The following EIF5B variants were observed in gnomAD, a reference collection of about 807,000 sequenced individuals.
EIF5B encodes eukaryotic translation initiation factor 5B.
A neutral mutation model predicts 147.5 loss-of-function variants in EIF5B; 47 were observed. The ratio of observed to expected loss-of-function variants is 0.32; its 90% CI spans 0.25 to 0.41. EIF5B has a LOEUF of 0.41. EIF5B is among the 10% of genes least tolerant of loss of function. EIF5B has a pLI of 1.00. For synonymous variants in EIF5B, 455 were observed against 456.2 expected (o/e 1.00, Z 0.03); for missense variants, 1,064 against 1,413.2 (o/e 0.75, Z 3.96).
At chr2:99,352,377 T>C (rs1460225553) in intron 1 of EIF5B, among the ~76,000 whole-genome samples, 1 of 151,794 alleles carries the variant, frequency 6.6e-6, no homozygotes, top group Admixed American at 6.6e-5. Context: ...GTATTTTTAG[T>C]AGAGATGGAG....
chr2:99,378,894 G>A, intron 10 of EIF5B, 125 bp from the exon 11 acceptor site: 1 of 678,988 alleles, frequency 1.5e-6, no homozygotes. Flanking sequence ...ATTATGTGTA[G>A]TCAAATCAAC....
chr2:99,353,837 G>A (rs568238425), intron 1 of EIF5B, among the ~76,000 whole-genome samples: 19 of 152,232 alleles, frequency 1.2e-4, no homozygotes, highest in Non-Finnish European at 1.9e-4. Flanking sequence ...GGGATCTATC[G>A]AAGTTGTTGC....
intron 1 of EIF5B, among the ~76,000 whole-genome samples, chr2:99,350,109 A>G (rs534641461): frequency 6.6e-6 from 1 of 152,354 alleles, no homozygotes; most frequent in South Asian, 2.1e-4. Flanking sequence ...GTGTTGTCAC[A>G]AAATGACAGG....
At chr2:99,396,166 T>C (rs1484902394) in intron 21 of EIF5B, among the ~76,000 whole-genome samples, 1 of 152,202 alleles carries the variant, frequency 6.6e-6, no homozygotes, top group Non-Finnish European at 1.5e-5. Context: ...TAGACTGGTA[T>C]ATGCTCACTT....
intron 10 of EIF5B, among the ~76,000 whole-genome samples, chr2:99,378,732 CTG>C (rs887089703): frequency 6.6e-6 from 1 of 152,150 alleles, no homozygotes; most frequent in Admixed American, 6.6e-5. Flanking sequence ...ATTAAAGTAA[CTG>C]TGTACAAAAG....
In EIF5B at chr2:99,364,352, CTT is replaced by C; in HGVS notation, c.1222_1223del (p.Leu408AsnfsTer2). On this transcript the variant is annotated frameshift_variant, in exon 6 of 24. Coordinates refer to ENST00000289371, the MANE Select transcript of EIF5B (RefSeq NM_015904.4). LOFTEE classifies it high-confidence loss of function. Reference sequence around the variant, plus strand: ...AGAACGCTTGAAAAAAGAAGGGAAACTTTTAACTAAATCCCAGAGAGAAGCCA... The same window carrying C: ...AGAACGCTTGAAAAAAGAAGGGAAACTTAACTAAATCCCAGAGAGAAGCCA... ...RKERLKKEGK[L>X]LTKSQREARA... is the part of the protein sequence containing the mutation. The C allele has an allele frequency of 6.2e-7, 1 of 1,608,636 alleles. No individual in the cohort carries two copies. Among genetic ancestry groups the C allele is most frequent in the Non-Finnish European group, 8.5e-7 (1 of 1,177,830 alleles).
chr2:99,366,756 G>A (rs1277690319), intron 6 of EIF5B, among the ~76,000 whole-genome samples: 1 of 152,102 alleles, frequency 6.6e-6, no homozygotes, highest in African/African-American at 2.4e-5. Flanking sequence ...TGGATATGAA[G>A]AGACCAGAGA....
At chr2:99,353,002 CTTCTTTTTTTTT>C in intron 1 of EIF5B, among the ~76,000 whole-genome samples, 1 of 64,280 alleles carries the variant, frequency 1.6e-5, no homozygotes, top group Admixed American at 2.0e-4. Flanking sequence ...TTTTCTTCTT[CTTCTTTTTTTTT>C]TTTTTTTTTT....
chr2:99,378,836 A>G (rs1359593462), intron 10 of EIF5B, among the ~76,000 whole-genome samples, 183 bp from the exon 11 acceptor site: 1 of 152,182 alleles, frequency 6.6e-6, no homozygotes, highest in Non-Finnish European at 1.5e-5. Flanking sequence ...CCTTATCCAG[A>G]GGTGCTGTGA....
intron 21 of EIF5B, among the ~76,000 whole-genome samples, chr2:99,395,420 G>A (rs1675022702): frequency 6.6e-6 from 1 of 152,162 alleles, no homozygotes; most frequent in South Asian, 2.1e-4. Flanking sequence ...CCCAACCTCT[G>A]CCTACTGGGC....
At chr2:99,390,495 A>G (rs2104246477) in intron 16 of EIF5B, 49 bp from the exon 17 acceptor site, 1 of 1,589,680 alleles carries the variant, frequency 6.3e-7, no homozygotes, top group African/African-American at 1.4e-5. Flanking sequence ...GATTTAATGA[A>G]CATGGTGCAT....
At chr2:99,345,332 C>T (rs895251741) in intron 1 of EIF5B, among the ~76,000 whole-genome samples, 3 of 152,064 alleles carry the variant, frequency 2.0e-5, no homozygotes, top group Non-Finnish European at 4.4e-5. Context: ...GTGGCTCGTG[C>T]CTGTAATTGC....
In EIF5B at chr2:99,351,951, C is replaced by T. The variant is rs149479714; in HGVS notation, c.36-8285C>T. 6.1e-3 allele frequency among the ~76,000 whole-genome samples: 935 copies of T among 152,246 alleles called. 7 individuals carry two copies. Among genetic ancestry groups the T allele is most frequent in the Non-Finnish European group, 0.011 (739 of 68,014 alleles). On this transcript the variant is annotated intron_variant, in intron 1 of 23. Transcript: ENST00000289371. ...CTGACCTCATGTGATCTGCCCACCT[C>T]GGCCTCCCAAAGTGTTGGAATTACA...
intron 6 of EIF5B, among the ~76,000 whole-genome samples, chr2:99,368,062 G>A (rs988271805): frequency 2.0e-5 from 3 of 152,226 alleles, no homozygotes; most frequent in African/African-American, 7.2e-5. Flanking sequence ...ATTGACATGT[G>A]CAGCAGAGTG....
At chr2:99,397,895 C>T (rs1179852491) in intron 22 of EIF5B, 2 of 151,920 alleles carry the variant, frequency 1.3e-5, no homozygotes, top group Non-Finnish European at 2.9e-5. Flanking sequence ...AGAACCTCTT[C>T]CCACTGACCT....
Position 99,364,416 on chromosome 2 carries a change from C to T in EIF5B, c.1283C>T (p.Ala428Val). Residue 428 changes from alanine to valine, a missense_variant, in exon 6 of 24, where the codon GCT becomes GTT. This residue lies in a region of EIF5B where 31 missense variants were observed against 60.1 expected (regional missense o/e 0.52). Coordinates refer to ENST00000289371, the MANE Select transcript of EIF5B (RefSeq NM_015904.4). ...GAAGCTACTCTTAAACTGCTACAAG[C>T]TCAGGGTGAGTGGTACTCTTCATTA... ...RAEATLKLLQAQGVEVPSKDS... is the reference protein window; with the variant it reads ...RAEATLKLLQVQGVEVPSKDS... 6.3e-6 allele frequency: 10 copies of T among 1,596,090 alleles called. No homozygotes were observed. Among genetic ancestry groups the T allele is most frequent in the East Asian group, 2.2e-5 (1 of 44,770 alleles).
rs79229586 is a variant in EIF5B at position 99,340,175 on chromosome 2, G to A, written c.35+2586G>A. Among the ~76,000 whole-genome samples the A allele has an allele frequency of 2.3e-3, 344 of 152,212 alleles. 10 individuals carry two copies. In the East Asian group the frequency reaches 0.061, roughly 27 times the overall value. On this transcript the variant is annotated intron_variant, in intron 1 of 23. Transcript: ENST00000289371. ...GTTTTTATTTTGGTCTTCCACATGA[G>A]ATATTGGGAGATGGGGAATGGGAAG...
At chr2:99,373,152 A>G (rs1235903162) in intron 9 of EIF5B, among the ~76,000 whole-genome samples, 1 of 152,246 alleles carries the variant, frequency 6.6e-6, no homozygotes, top group African/African-American at 2.4e-5. Flanking sequence ...TCATATAGGT[A>G]CACGAGCTTT....
chr2:99,395,825 C>T (rs1328343677), intron 21 of EIF5B, among the ~76,000 whole-genome samples: 1 of 152,054 alleles, frequency 6.6e-6, no homozygotes. Context: ...AACAGCAGTG[C>T]GAGGCAGAGT....
Sources: gnomAD v4.1 joint callset for allele counts (sites outside exome capture counted in the v4.1 genomes callset) on GRCh38, gnomAD v4.1.1 for gene constraint, gnomAD v4.1.1 regional missense constraint, MANE v1.5 for transcripts, NCBI Gene and HGNC (gene_info 2026-07-23, HGNC 2026-07-21) for gene names.